The following CNTN4 variants were observed in gnomAD, a reference collection of about 807,000 sequenced individuals.
The protein encoded by CNTN4 is contactin 4.
In CNTN4, 77 loss-of-function variants were observed where a neutral mutation model predicts 122.5. That is an observed-to-expected ratio of 0.63 (90% CI 0.52 to 0.76). CNTN4 has a LOEUF of 0.76. Ranked by LOEUF, CNTN4 falls within the 30% of genes least tolerant of loss-of-function variation. The pLI, the probability that CNTN4 is intolerant of heterozygous loss-of-function variation, is 0.00. For synonymous variants in CNTN4, 512 were observed against 447.0 expected, an observed-to-expected ratio of 1.15 and a Z score of -1.83; for missense variants, 1,256 against 1,259.1, an observed-to-expected ratio of 1.00 and a Z score of 0.04.
intron 23 of CNTN4, 41 bp from the exon 24 acceptor site, chr3:3,053,766 G>T: frequency 3.1e-6 from 5 of 1,607,056 alleles, no homozygotes; most frequent in Non-Finnish European, 4.3e-6. Flanking sequence ...TGGGACCTTT[G>T]TGAAGACGGC....
At chr3:2,971,368 C>CTATA (rs537763062) in intron 13 of CNTN4, among the ~76,000 whole-genome samples, 14 of 139,540 alleles carry the variant, frequency 1.0e-4, no homozygotes, top group South Asian at 9.0e-4. Flanking sequence ...ATCTATCTAT[C>CTATA]TATATATATA....
chr3:2,883,344 G>A (rs1269856578), intron 9 of CNTN4, 97 bp downstream of exon 9: 16 of 874,068 alleles, frequency 1.8e-5, no homozygotes, highest in African/African-American at 6.7e-5. Context: ...CTGAGGTGAC[G>A]GAAAAGCAAG....
chr3:2,406,461 G>T (rs2047041169), intron 3 of CNTN4, among the ~76,000 whole-genome samples: 1 of 152,202 alleles, frequency 6.6e-6, no homozygotes, highest in Non-Finnish European at 1.5e-5. Context: ...GAGGATGTTA[G>T]TGAAACCATT....
chr3:2,131,386 T>C (rs1188787467), intron 2 of CNTN4, among the ~76,000 whole-genome samples: 1 of 152,034 alleles, frequency 6.6e-6, no homozygotes, highest in Non-Finnish European at 1.5e-5. Flanking sequence ...GGTGATGGAG[T>C]ATCAGGCCCA....
intron 2 of CNTN4, among the ~76,000 whole-genome samples, chr3:2,125,417 T>G (rs2034081168): frequency 6.6e-6 from 1 of 151,650 alleles, no homozygotes; most frequent in Non-Finnish European, 1.5e-5. Context: ...TTAGGTTGTT[T>G]CCATATCTTG....
At chr3:2,809,946 A>G (rs1366607056) in intron 6 of CNTN4, among the ~76,000 whole-genome samples, 2 of 152,258 alleles carry the variant, frequency 1.3e-5, no homozygotes, top group Admixed American at 1.3e-4. Flanking sequence ...AATAGCCATC[A>G]GGAACGCTGT....
At chr3:2,831,940 C>T (rs1474798814) in intron 7 of CNTN4, among the ~76,000 whole-genome samples, 1 of 152,164 alleles carries the variant, frequency 6.6e-6, no homozygotes, top group African/African-American at 2.4e-5. Flanking sequence ...GATGAAAGGA[C>T]TTTTAAAAAC....
chr3:2,952,249 C>T (rs1012650567), intron 13 of CNTN4, among the ~76,000 whole-genome samples: 3 of 131,478 alleles, frequency 2.3e-5, no homozygotes, highest in African/African-American at 7.6e-5. Context: ...ACTCACAGCT[C>T]CCTATGTATG....
Position 2,266,803 on chromosome 3 carries a change from C to T in CNTN4, c.-144-72375C>T, listed in dbSNP as rs188721062. Among the ~76,000 whole-genome samples, 636 of 152,182 alleles carry T rather than the reference C, an allele frequency of 4.2e-3. 3 individuals are homozygous for T. Among genetic ancestry groups the T allele is most frequent in the Non-Finnish European group, 5.0e-3 (341 of 67,978 alleles). ...GTTCTGGGAAGGTGACAGTCAACAGCAGAATAGCAGCTGCCACCACAGTCA... is the reference window on the plus strand; with the variant it reads ...GTTCTGGGAAGGTGACAGTCAACAGTAGAATAGCAGCTGCCACCACAGTCA... On this transcript the variant is annotated intron_variant, in intron 2 of 24. Coordinates refer to ENST00000418658, the MANE Select transcript of CNTN4 (RefSeq NM_175607.3).
chr3:3,054,788 G>A (rs971811191), intron 24 of CNTN4, among the ~76,000 whole-genome samples: 6 of 152,206 alleles, frequency 3.9e-5, no homozygotes, highest in Middle Eastern at 3.4e-3. Context: ...CAACACTGGA[G>A]TATACTTAGT....
At chr3:2,771,371 C>G (rs1286119385) in intron 6 of CNTN4, among the ~76,000 whole-genome samples, 3 of 152,058 alleles carry the variant, frequency 2.0e-5, no homozygotes, top group Non-Finnish European at 4.4e-5. Flanking sequence ...GATTTGGGTC[C>G]CTCATCTCTA....
At chr3:2,730,246 C>T (rs1484260334) in intron 4 of CNTN4, among the ~76,000 whole-genome samples, 3 of 152,114 alleles carry the variant, frequency 2.0e-5, no homozygotes, top group East Asian at 1.9e-4. Context: ...TACCTATAGC[C>T]TGAAGGTGAT....
chr3:2,851,381 C>A (rs1428714094), intron 7 of CNTN4, among the ~76,000 whole-genome samples: 1 of 152,178 alleles, frequency 6.6e-6, no homozygotes, highest in Non-Finnish European at 1.5e-5. Flanking sequence ...GAAGCAGTGG[C>A]CTAAATATTG....
intron 3 of CNTN4, among the ~76,000 whole-genome samples, chr3:2,539,506 G>A (rs2077947731): frequency 6.6e-6 from 1 of 151,976 alleles, no homozygotes; most frequent in East Asian, 1.9e-4. Flanking sequence ...ATAATCTTGA[G>A]AACAAAAGTA....
At chr3:2,627,702 C>A (rs531936562) in intron 4 of CNTN4, among the ~76,000 whole-genome samples, 5 of 151,924 alleles carry the variant, frequency 3.3e-5, no homozygotes, top group Admixed American at 6.6e-5. Flanking sequence ...ACCGTGTTAG[C>A]CAGGATGGTC....
chr3:2,743,670 T>C (rs2089593483), intron 5 of CNTN4, among the ~76,000 whole-genome samples: 1 of 152,186 alleles, frequency 6.6e-6, no homozygotes, highest in African/African-American at 2.4e-5. Flanking sequence ...TGGAGCACAA[T>C]GAGAGTGTTA....
chr3:2,906,619 C>A (rs938971523), intron 12 of CNTN4, among the ~76,000 whole-genome samples: 19 of 151,934 alleles, frequency 1.3e-4, no homozygotes, highest in Non-Finnish European at 2.2e-4. Flanking sequence ...AGGCGGATCA[C>A]CTGAGGTTGG....
At chr3:2,161,654 T>G (rs1397006503) in intron 2 of CNTN4, among the ~76,000 whole-genome samples, 2 of 152,120 alleles carry the variant, frequency 1.3e-5, no homozygotes, top group Non-Finnish European at 2.9e-5. Flanking sequence ...AGTTCTGAGT[T>G]CTGGAAAAAG....
At chr3:2,215,590 G>A (rs555951889) in intron 2 of CNTN4, among the ~76,000 whole-genome samples, 117 of 152,152 alleles carry the variant, frequency 7.7e-4, no homozygotes, top group African/African-American at 2.7e-3. Flanking sequence ...ACAGTGTTAA[G>A]AGTTCCCTTA....
Sources: gnomAD v4.1 joint callset for allele counts (sites outside exome capture counted in the v4.1 genomes callset) on GRCh38, gnomAD v4.1.1 for gene constraint, MANE v1.5 for transcripts, NCBI Gene and HGNC (gene_info 2026-07-23, HGNC 2026-07-21) for gene names.